The following CDH18 variants were observed in gnomAD, a reference collection of about 807,000 sequenced individuals.
CDH18 encodes cadherin-18.
CDH18 carries 31 observed loss-of-function variants against 67.9 expected under a neutral mutation model. The observed-to-expected ratio is 0.46, with a 90% CI of 0.34 to 0.62. The LOEUF (loss-of-function observed/expected upper bound fraction) is 0.62, where lower values mean the gene tolerates loss of function less well. CDH18 is among the 20% of genes least tolerant of loss of function. CDH18 has a pLI of 0.01. For missense variants in CDH18, 890 were observed against 975.5 expected (o/e 0.91, Z 1.17); for synonymous variants, 362 against 347.2 (o/e 1.04, Z -0.48).
upstream of CDH18, among the ~76,000 whole-genome samples, chr5:19,989,714 G>A (rs557051186): frequency 3.9e-5 from 6 of 152,198 alleles, no homozygotes; most frequent in South Asian, 4.1e-4. Flanking sequence ...TGTTTGAATC[G>A]GCTAAAGTTA....
intron 2 of CDH18, among the ~76,000 whole-genome samples, chr5:20,034,213 C>A (rs974321975): frequency 1.3e-5 from 2 of 151,960 alleles, no homozygotes; most frequent in East Asian, 3.9e-4. Flanking sequence ...GCTAGGGATT[C>A]TTTTTCCTTC....
chr5:20,304,607 A>G (rs1736255763), intron 1 of CDH18: 1 of 1,611,924 alleles, frequency 6.2e-7, no homozygotes, highest in African/African-American at 1.3e-5. Flanking sequence ...AATGAGCCCA[A>G]AACAGAGCTA....
chr5:20,258,871 T>C (rs996804743), intron 1 of CDH18, among the ~76,000 whole-genome samples: 2 of 152,034 alleles, frequency 1.3e-5, no homozygotes, highest in Non-Finnish European at 1.5e-5. Flanking sequence ...ACTCCAGGTG[T>C]ATTGACCCTG....
At chr5:20,447,316 A>G (rs996327076) in intron 1 of CDH18, among the ~76,000 whole-genome samples, 1 of 152,044 alleles carries the variant, frequency 6.6e-6, no homozygotes, top group African/African-American at 2.4e-5. Flanking sequence ...TAAGAGGCGA[A>G]GCCTTTAAGA....
intron 1 of CDH18, among the ~76,000 whole-genome samples, chr5:20,521,502 G>T (rs1468150346): frequency 6.6e-6 from 1 of 152,040 alleles, no homozygotes; most frequent in Non-Finnish European, 1.5e-5. Context: ...TTGATAAAGT[G>T]GTGTTTAAAT....
At chr5:20,287,943 C>G (rs1225230812) in intron 1 of CDH18, among the ~76,000 whole-genome samples, 1 of 151,610 alleles carries the variant, frequency 6.6e-6, no homozygotes, top group Non-Finnish European at 1.5e-5. Context: ...CAGCTGAAGC[C>G]CTCGTAGCAG....
chr5:19,702,338 G>T (rs914464658), intron 5 of CDH18, among the ~76,000 whole-genome samples: 1 of 151,624 alleles, frequency 6.6e-6, no homozygotes, highest in Non-Finnish European at 1.5e-5. Context: ...TAGTAGAGAG[G>T]TGGTTTCACC....
chr5:19,603,017 C>T (rs1747402174), intron 6 of CDH18, among the ~76,000 whole-genome samples: 1 of 151,986 alleles, frequency 6.6e-6, no homozygotes, highest in Admixed American at 6.6e-5. Context: ...TCTAGCAATT[C>T]CGCTTCTGGA....
chr5:19,499,533 T>C (rs1213482721), intron 11 of CDH18, among the ~76,000 whole-genome samples: 1 of 152,126 alleles, frequency 6.6e-6, no homozygotes, highest in African/African-American at 2.4e-5. Context: ...GTCAAAACTA[T>C]AATTTTATTT....
intron 1 of CDH18, among the ~76,000 whole-genome samples, chr5:20,510,800 G>A (rs1754985717): frequency 6.6e-6 from 1 of 152,052 alleles, no homozygotes; most frequent in Non-Finnish European, 1.5e-5. Flanking sequence ...CATGTTGGAT[G>A]GTGTCTAGCA....
At chr5:20,248,478 T>G (rs1418185123) in intron 2 of CDH18, among the ~76,000 whole-genome samples, 1 of 152,200 alleles carries the variant, frequency 6.6e-6, no homozygotes, top group Admixed American at 6.5e-5. Context: ...GCCATGGACC[T>G]CTGCACCCAA....
At chr5:20,142,117 A>G (rs1388852692) in intron 2 of CDH18, among the ~76,000 whole-genome samples, 4 of 152,078 alleles carry the variant, frequency 2.6e-5, no homozygotes, top group Non-Finnish European at 5.9e-5. Context: ...AGAGGAAGCA[A>G]ATGATTTGTG....
chr5:20,220,843 T>C (rs903360188), intron 2 of CDH18, among the ~76,000 whole-genome samples: 1 of 151,950 alleles, frequency 6.6e-6, no homozygotes, highest in South Asian at 2.1e-4. Context: ...AAAGAAGACA[T>C]ACAAATGGCA....
chr5:20,253,927 T>C (rs1343769589), intron 2 of CDH18, among the ~76,000 whole-genome samples: 1 of 152,040 alleles, frequency 6.6e-6, no homozygotes, highest in Non-Finnish European at 1.5e-5. Context: ...GGATGAAAAT[T>C]CCCAGGGCAC....
At chr5:20,213,795 C>T (rs1166329907) in intron 2 of CDH18, among the ~76,000 whole-genome samples, 1 of 151,986 alleles carries the variant, frequency 6.6e-6, no homozygotes, top group Non-Finnish European at 1.5e-5. Context: ...ATTAGTCTAG[C>T]TAGTAGTCTA....
At chr5:20,299,403 TACAC>T (rs56003449) in intron 1 of CDH18, among the ~76,000 whole-genome samples, 26,810 of 138,300 alleles carry the variant, frequency 0.19, 2,767 homozygotes, top group Non-Finnish European at 0.23. Flanking sequence ...CAACATTAGC[TACAC>T]ACACACACAC....
At chr5:20,501,490 ATT>A (rs1190494500) in intron 1 of CDH18, among the ~76,000 whole-genome samples, 2 of 39,380 alleles carry the variant, frequency 5.1e-5, no homozygotes, top group African/African-American at 7.4e-5. Flanking sequence ...TATTATATAT[ATT>A]TTATATACAT....
intron 4 of CDH18, among the ~76,000 whole-genome samples, chr5:19,745,557 G>A (rs1769878268): frequency 6.6e-6 from 1 of 152,132 alleles, no homozygotes; most frequent in African/African-American, 2.4e-5. Flanking sequence ...CCTTGATGTG[G>A]CAGAGAGAAT....
intron 2 of CDH18, among the ~76,000 whole-genome samples, chr5:20,237,485 A>C (rs1201481282): frequency 6.6e-6 from 1 of 152,012 alleles, no homozygotes; most frequent in Non-Finnish European, 1.5e-5. Flanking sequence ...GCAAGATATA[A>C]AATCAAACAC....
Sources: gnomAD v4.1 joint callset for allele counts (sites outside exome capture counted in the v4.1 genomes callset) on GRCh38, gnomAD v4.1.1 for gene constraint, MANE v1.5 for transcripts, NCBI Gene and HGNC (gene_info 2026-07-23, HGNC 2026-07-21) for gene names.